The following AKNAD1 variants were observed in gnomAD, a reference collection of about 807,000 sequenced individuals.
AKNAD1 encodes protein AKNAD1.
Under a neutral mutation model 90.8 loss-of-function variants are expected in AKNAD1, and 67 were observed. The ratio of observed to expected loss-of-function variants is 0.74; its 90% CI spans 0.61 to 0.90. The LOEUF is 0.90. AKNAD1 is among the 40% of genes least tolerant of loss of function. The pLI, the probability that AKNAD1 is intolerant of heterozygous loss-of-function variation, is 0.00. For missense variants in AKNAD1, 957 were observed against 975.4 expected, an observed-to-expected ratio of 0.98 and a Z score of 0.25; for synonymous variants, 327 against 341.4, an observed-to-expected ratio of 0.96 and a Z score of 0.46.
At chr1:108,853,768 G>A (rs1268584111) in intron 1 of AKNAD1, among the ~76,000 whole-genome samples, 2 of 151,728 alleles carry the variant, frequency 1.3e-5, no homozygotes, top group Non-Finnish European at 2.9e-5. Context: ...ACCCCCATCT[G>A]TACTAAAAAT....
chr1:108,844,404 G>C (rs1307461315), intron 5 of AKNAD1, among the ~76,000 whole-genome samples: 1 of 149,446 alleles, frequency 6.7e-6, no homozygotes, highest in Non-Finnish European at 1.5e-5. Context: ...ATATACCAAA[G>C]CCAGAGCTCT....
At chr1:108,849,150 C>A in intron 3 of AKNAD1, 90 bp from the exon 4 acceptor site, 5 of 1,121,656 alleles carry the variant, frequency 4.5e-6, no homozygotes, top group Non-Finnish European at 6.2e-6. Context: ...GTTGCAGTCA[C>A]CACCACTTAC....
At position 108,816,276 on chromosome 1, in the gene AKNAD1, G is replaced by A. The variant is rs769383497; in HGVS notation, c.2406C>T (p.Ala802=). The change falls in exon 16 of 16, where the codon GCC becomes GCT. Residue 802 remains alanine, a synonymous_variant. Coordinates refer to ENST00000370001, the MANE Select transcript of AKNAD1 (RefSeq NM_152763.5). The part of the protein sequence containing the change: ...SEILNSALDH[A]LRTATILKET... ...CTTTCAAAATGGTTGCTGTCCTTAGGGCATGATCCAAAGCCGAGTTTAAAA... is the reference window on the plus strand; with the variant it reads ...CTTTCAAAATGGTTGCTGTCCTTAGAGCATGATCCAAAGCCGAGTTTAAAA... 4 of 1,613,136 alleles carry A rather than the reference G, an allele frequency of 2.5e-6. No homozygotes were observed. The highest frequency in any genetic ancestry group is 3.4e-6 in the Non-Finnish European group (4 of 1,179,676).
rs762804778 is a variant in AKNAD1, at chr1:108,816,291, C to T, written c.2391G>A (p.Ser797=). The change falls in exon 16 of 16, where the codon TCG becomes TCA. Residue 797 remains serine (S), a synonymous_variant. Transcript: ENST00000370001. ...CTGTCCTTAGGGCATGATCCAAAGC[C>T]GAGTTTAAAATCTACAGAGGAAAAG... The part of the protein sequence containing the change: ...TEEIKSEILN[S]ALDHALRTAT... 1.2e-6 allele frequency: 2 copies of T among 1,609,948 alleles called. No homozygotes were observed.
intron 7 of AKNAD1, among the ~76,000 whole-genome samples, chr1:108,835,524 A>G (rs772360947): frequency 5.3e-5 from 8 of 152,220 alleles, no homozygotes; most frequent in Admixed American, 2.0e-4. Context: ...TAAGTGACAG[A>G]GCCAGTATGT....
At chr1:108,818,001 T>A (rs1268008370) in intron 14 of AKNAD1, among the ~76,000 whole-genome samples, 1 of 152,192 alleles carries the variant, frequency 6.6e-6, no homozygotes, top group Non-Finnish European at 1.5e-5. Context: ...TGGTTCTCTC[T>A]CAGGGATGGG....
chr1:108,817,144 T>C lies in AKNAD1; in HGVS notation c.2283A>G (p.Ser761=). The C allele has an allele frequency of 6.2e-7, 1 of 1,614,180 alleles. No individual in the cohort carries two copies. Among genetic ancestry groups the C allele is most frequent in the East Asian group, 2.2e-5 (1 of 44,884 alleles). ...AATGGGGTGAGGGTGTTGCAGGGTC[T>C]GAGCTGTAGGTCATGAAAGCCTGAA... ...KKLQAFMTYS[S]DPATPSPHFY... Residue 761 remains serine, a synonymous_variant, in exon 15 of 16, where the codon TCA becomes TCG. Coordinates refer to ENST00000370001, the MANE Select transcript of AKNAD1 (RefSeq NM_152763.5).
chr1:108,835,104 G>C, intron 7 of AKNAD1, 48 bp from the exon 8 acceptor site: 1 of 1,549,978 alleles, frequency 6.5e-7, no homozygotes, highest in African/African-American at 1.4e-5. Context: ...CAGTCCCACT[G>C]GAGGTGACTC....
chr1:108,837,271 T>C (rs1664414854), intron 7 of AKNAD1: 1 of 295,118 alleles, frequency 3.4e-6, no homozygotes, highest in Non-Finnish European at 6.2e-6. Context: ...AAAAATTTTC[T>C]TATTAATTTG....
chr1:108,836,533 A>G (rs1169578777), intron 7 of AKNAD1, among the ~76,000 whole-genome samples: 2 of 152,296 alleles, frequency 1.3e-5, no homozygotes, highest in East Asian at 1.9e-4. Flanking sequence ...AAATGACCTG[A>G]CGCTAGAGCT....
rs1266517824 is a variant in AKNAD1 at position 108,848,827 on chromosome 1, A to C, written c.1183-13T>G. On this transcript the variant is annotated splice_polypyrimidine_tract_variant and intron_variant, in intron 4 of 15. Transcript: ENST00000370001. ...AAAATTCTTGTACCTGCAGTGAAAA[A>C]ATTACAATCTCTCATTAATGGCATG... 6.2e-7 allele frequency: 1 copy of C among 1,609,822 alleles called. No homozygotes were observed. The highest frequency in any genetic ancestry group is 1.3e-5 in the African/African-American group (1 of 74,650).
At chr1:108,843,363 C>T (rs1161809133) in intron 5 of AKNAD1, 96 bp from the exon 6 acceptor site, 47 of 1,427,234 alleles carry the variant, frequency 3.3e-5, no homozygotes, top group Non-Finnish European at 4.2e-5. Flanking sequence ...ACAGTAGTGT[C>T]AAAACAAAGC....
intron 11 of AKNAD1, among the ~76,000 whole-genome samples, chr1:108,824,931 G>A (rs892723281): frequency 4.6e-5 from 7 of 151,570 alleles, no homozygotes; most frequent in East Asian, 2.0e-4. Context: ...AAAATAAAGC[G>A]GTAGTGATGG....
intron 7 of AKNAD1, 52 bp downstream of exon 7, chr1:108,837,498 C>T: frequency 1.3e-6 from 2 of 1,544,188 alleles, no homozygotes; most frequent in Non-Finnish European, 1.8e-6. Flanking sequence ...TCTATAAATG[C>T]AAAAACACCA....
At chr1:108,826,742 C>T (rs113256070) in intron 11 of AKNAD1, among the ~76,000 whole-genome samples, 16,678 of 59,018 alleles carry the variant, frequency 0.28, 1,732 homozygotes, top group African/African-American at 0.4. Flanking sequence ...TTTTCTTTTT[C>T]TTTTTTTTTT....
At chr1:108,840,016 T>G (rs1019345738) in intron 6 of AKNAD1, among the ~76,000 whole-genome samples, 1 of 58,152 alleles carries the variant, frequency 1.7e-5, no homozygotes, top group African/African-American at 5.5e-5. Flanking sequence ...AGTGAGACTT[T>G]GTCTGAAAAA....
intron 10 of AKNAD1, among the ~76,000 whole-genome samples, chr1:108,829,366 G>C (rs1037058468): frequency 6.6e-6 from 1 of 152,170 alleles, no homozygotes; most frequent in Admixed American, 6.5e-5. Context: ...ATTTAGAAGA[G>C]AGAAATTTAG....
At chr1:108,834,650 CAG>C in intron 8 of AKNAD1, 122 bp from the exon 9 acceptor site, 1 of 1,050,364 alleles carries the variant, frequency 9.5e-7, no homozygotes, top group South Asian at 1.6e-5. Flanking sequence ...CAACCTAAGG[CAG>C]AGAGTGCTAT....
chr1:108,837,625 T>C lies in AKNAD1; in HGVS notation c.1461A>G (p.Ser487=). ...KEKMDESKYT[S]APSLPVSSPV... is the part of the protein sequence containing the mutation. ...GAGAACTCACAGGAAGGGAAGGAGC[T>C]GAAGTATATTTGCTTTCATCCATTT... is the stretch of plus-strand genomic sequence containing the variant. The change falls in exon 7 of 16, where the codon TCA becomes TCG. Residue 487 remains serine, a synonymous_variant. Coordinates refer to ENST00000370001, the MANE Select transcript of AKNAD1 (RefSeq NM_152763.5). 6.2e-7 allele frequency: 1 copy of C among 1,614,186 alleles called. No homozygotes were observed. The highest frequency in any genetic ancestry group is 8.5e-7 in the Non-Finnish European group (1 of 1,180,028).
Sources: allele counts gnomAD v4.1 joint callset (sites outside exome capture counted in the v4.1 genomes callset), GRCh38; gene constraint gnomAD v4.1.1; transcripts MANE v1.5; gene names NCBI Gene and HGNC (gene_info 2026-07-23, HGNC 2026-07-21).